Variants in TTC7B observed in about 807,000 individuals in gnomAD.
TTC7B encodes the protein tetratricopeptide repeat domain 7B.
TTC7B carries 28 observed loss-of-function variants against 106.8 expected under a neutral mutation model. The observed-to-expected ratio is 0.26, with a 90% CI of 0.19 to 0.36. The LOEUF (loss-of-function observed/expected upper bound fraction) is 0.36. Ranked by LOEUF, TTC7B falls within the 10% of genes least tolerant of loss-of-function variation. The probability of loss-of-function intolerance (pLI) is 1.00; values close to 1 mark genes in which losing one functional copy is unlikely to be tolerated. For synonymous variants in TTC7B, 405 were observed against 430.6 expected, an observed-to-expected ratio of 0.94 and a Z score of 0.74; for missense variants, 862 against 1,076.4, an observed-to-expected ratio of 0.80 and a Z score of 2.79.
intron 15 of TTC7B, among the ~76,000 whole-genome samples, chr14:90,619,186 G>A (rs1285327146): frequency 1.3e-5 from 2 of 152,180 alleles, no homozygotes; most frequent in African/African-American, 4.8e-5. Flanking sequence ...ACCGCTCCCA[G>A]CCCCCAAAAA....
intron 3 of TTC7B, chr14:90,767,123 G>A (rs1038763699): frequency 4.5e-5 from 27 of 596,636 alleles, no homozygotes; most frequent in Non-Finnish European, 7.3e-5. Flanking sequence ...GGAGGCTGAG[G>A]CAGGAGCATC....
intron 15 of TTC7B, among the ~76,000 whole-genome samples, chr14:90,622,598 C>T (rs551882238): frequency 1.4e-4 from 21 of 152,034 alleles, no homozygotes; most frequent in African/African-American, 4.3e-4. Context: ...GTTGTGGTAG[C>T]GTGCACCTGT....
intron 13 of TTC7B, among the ~76,000 whole-genome samples, chr14:90,647,617 C>CAT (rs5810512): frequency 0.87 from 131,983 of 152,032 alleles, 57,435 homozygotes; most frequent in Admixed American, 0.9. Flanking sequence ...AGATAACTGT[C>CAT]GTGTAAGAGT....
At chr14:90,712,432 G>T (rs1034551976) in intron 5 of TTC7B, among the ~76,000 whole-genome samples, 1 of 152,112 alleles carries the variant, frequency 6.6e-6, no homozygotes, top group African/African-American at 2.4e-5. Flanking sequence ...TAATTCAAGA[G>T]ATTAGTCAGT....
chr14:90,603,862 G>A (rs1361805546), intron 17 of TTC7B, among the ~76,000 whole-genome samples: 1 of 152,118 alleles, frequency 6.6e-6, no homozygotes, highest in African/African-American at 2.4e-5. Flanking sequence ...TCTGTGGGAG[G>A]GGGTGGATTC....
intron 7 of TTC7B, among the ~76,000 whole-genome samples, chr14:90,685,647 G>GAA (rs1244419252): frequency 1.3e-5 from 2 of 152,058 alleles, no homozygotes; most frequent in Non-Finnish European, 1.5e-5. Flanking sequence ...ACTAAAATGA[G>GAA]AAATGAGAGA....
At chr14:90,609,426 G>C (rs1370678435) in intron 17 of TTC7B, among the ~76,000 whole-genome samples, 1 of 152,238 alleles carries the variant, frequency 6.6e-6, no homozygotes, top group Non-Finnish European at 1.5e-5. Context: ...AATGCAGTCT[G>C]CAAGGCAGCT....
intron 5 of TTC7B, among the ~76,000 whole-genome samples, chr14:90,724,358 A>G (rs6575144): frequency 0.094 from 14,227 of 152,116 alleles, 1,739 homozygotes; most frequent in African/African-American, 0.29. Context: ...AACCTAATGT[A>G]GGCCCTGTGA....
At chr14:90,618,413 A>T (rs1893176967) in intron 15 of TTC7B, among the ~76,000 whole-genome samples, 2 of 152,246 alleles carry the variant, frequency 1.3e-5, no homozygotes, top group South Asian at 4.1e-4. Context: ...TATTTACAGA[A>T]TTACACAGGA....
intron 15 of TTC7B, among the ~76,000 whole-genome samples, chr14:90,627,245 C>T (rs1566806189): frequency 2.0e-5 from 3 of 152,130 alleles, no homozygotes. Context: ...CTCGGCCTCC[C>T]AAATTGCTGG....
At chr14:90,568,014 G>T (rs777249356) in intron 19 of TTC7B, among the ~76,000 whole-genome samples, 1 of 152,192 alleles carries the variant, frequency 6.6e-6, no homozygotes, top group African/African-American at 2.4e-5. Context: ...GCCCTCAATG[G>T]GGAGTCTCTG....
At chr14:90,638,502 AT>A (rs899680413) in intron 15 of TTC7B, among the ~76,000 whole-genome samples, 1 of 152,182 alleles carries the variant, frequency 6.6e-6, no homozygotes, top group Non-Finnish European at 1.5e-5. Context: ...AGCATGAAAA[AT>A]TTTTTCAGGT....
intron 15 of TTC7B, among the ~76,000 whole-genome samples, chr14:90,638,802 G>A (rs1885051056): frequency 1.3e-5 from 2 of 152,192 alleles, no homozygotes; most frequent in Admixed American, 6.5e-5. Flanking sequence ...ATACAGAGAG[G>A]GACCCACCTT....
intron 17 of TTC7B, among the ~76,000 whole-genome samples, chr14:90,596,765 C>T (rs1033535168): frequency 6.6e-6 from 1 of 152,208 alleles, no homozygotes; most frequent in Non-Finnish European, 1.5e-5. Context: ...CGAACTACGT[C>T]CTCAGGGTAG....
chr14:90,596,075 T>A (rs1441711439), intron 17 of TTC7B, among the ~76,000 whole-genome samples: 2 of 152,188 alleles, frequency 1.3e-5, no homozygotes, highest in African/African-American at 4.8e-5. Context: ...AGGTTGTTTA[T>A]ATGTTATGTC....
At chr14:90,550,306 G>A (rs555226000) in intron 19 of TTC7B, among the ~76,000 whole-genome samples, 2 of 152,172 alleles carry the variant, frequency 1.3e-5, no homozygotes, top group Admixed American at 1.3e-4. Flanking sequence ...TGATGTATAG[G>A]ACCGAACTGT....
chr14:90,782,821 A>C (rs1197596100), intron 2 of TTC7B, among the ~76,000 whole-genome samples: 2 of 152,180 alleles, frequency 1.3e-5, no homozygotes, highest in East Asian at 3.8e-4. Context: ...GAAGATGCAA[A>C]GAGTCCTGGA....
At chr14:90,766,231 T>C (rs1890675064) in intron 3 of TTC7B, among the ~76,000 whole-genome samples, 1 of 146,146 alleles carries the variant, frequency 6.8e-6, no homozygotes, top group Non-Finnish European at 1.5e-5. Context: ...AAATGTCTAT[T>C]TTTCAACAAC....
chr14:90,694,197 G>A (rs112862987), intron 6 of TTC7B, among the ~76,000 whole-genome samples: 4,682 of 152,066 alleles, frequency 0.031, 239 homozygotes, highest in African/African-American at 0.11. Context: ...AAGATTGTGC[G>A]ATTGCACTCC....
Sources: allele counts gnomAD v4.1 joint callset (sites outside exome capture counted in the v4.1 genomes callset), GRCh38; gene constraint gnomAD v4.1.1; transcripts MANE v1.5; gene names NCBI Gene and HGNC (gene_info 2026-07-23, HGNC 2026-07-21).